The following RIPK4 variants were observed in gnomAD, a reference collection of about 807,000 sequenced individuals.
The protein encoded by RIPK4 is receptor-interacting serine/threonine-protein kinase 4.
RIPK4 carries 17 observed loss-of-function variants against 42.9 expected under a neutral mutation model. That is an observed-to-expected ratio of 0.40 (90% CI 0.27 to 0.59). RIPK4 has a LOEUF of 0.59. Among genes scored for constraint, RIPK4 ranks in the 20% least tolerant of loss-of-function variants. The probability of loss-of-function intolerance (pLI) is 0.47; values close to 1 mark genes in which losing one functional copy is unlikely to be tolerated. For synonymous variants in RIPK4, 498 were observed against 499.1 expected (o/e 1.00, Z 0.03); for missense variants, 897 against 1,104.4 (o/e 0.81, Z 2.66).
intron 1 of RIPK4, among the ~76,000 whole-genome samples, chr21:41,763,837 G>A (rs1259609318): frequency 2.0e-5 from 3 of 152,184 alleles, no homozygotes; most frequent in Admixed American, 6.5e-5. Flanking sequence ...CCGGCGCCCC[G>A]CAGGCACTGG....
At chr21:41,746,902 C>T (rs1297744473) in intron 4 of RIPK4, 131 bp from the exon 5 acceptor site, 2 of 1,019,166 alleles carry the variant, frequency 2.0e-6, no homozygotes, top group Admixed American at 5.2e-5. Context: ...GAGACGGCTC[C>T]CCCACTCCGT....
chr21:41,755,761 G>A lies in RIPK4; in HGVS notation c.474+764C>T, dbSNP rs558981612. Among the ~76,000 whole-genome samples, 1 of 152,252 alleles carries A rather than the reference G, an allele frequency of 6.6e-6. No individual in the cohort carries two copies. Among genetic ancestry groups the A allele is most frequent in the Non-Finnish European group, 1.5e-5 (1 of 68,030 alleles). On this transcript the variant is annotated intron_variant, in intron 2 of 7. Transcript: ENST00000332512. The surrounding 1 kb of genome is among the most constrained non-coding windows in gnomAD (Gnocchi z 4.2). ...ACCACGTGGGGAAAAACTACAACGC[G>A]CCAGGTGTAACCACCACATGTCAAC...
chr21:41,757,209 G>A (rs997187244), intron 1 of RIPK4, among the ~76,000 whole-genome samples: 1 of 152,130 alleles, frequency 6.6e-6, no homozygotes, highest in Non-Finnish European at 1.5e-5. Context: ...AGAAGTTGAC[G>A]TTCCACTCAA....
chr21:41,756,416 C>G, intron 2 of RIPK4, 109 bp downstream of exon 2: 1 of 1,339,862 alleles, frequency 7.5e-7, no homozygotes, highest in Non-Finnish European at 1.0e-6. Flanking sequence ...GAAGAACCAC[C>G]TCCTCTTCTG....
intron 1 of RIPK4, among the ~76,000 whole-genome samples, chr21:41,765,168 G>A (rs1400687357): frequency 6.6e-6 from 1 of 152,212 alleles, no homozygotes; most frequent in Non-Finnish European, 1.5e-5. Context: ...ATATAAGAAA[G>A]TGGTGTGAAA....
At chr21:41,766,610 G>A (rs2061237577) in intron 1 of RIPK4, among the ~76,000 whole-genome samples, 1 of 150,994 alleles carries the variant, frequency 6.6e-6, no homozygotes. Context: ...GAGCCCCAGA[G>A]GAGCCGCCTG....
chr21:41,741,341 G>A lies in RIPK4; in HGVS notation c.1852C>T (p.Arg618Cys), dbSNP rs751254695. The A allele has an allele frequency of 1.1e-5, 18 of 1,610,284 alleles. No individual in the cohort carries two copies. Among genetic ancestry groups the A allele is most frequent in the East Asian group, 6.7e-5 (3 of 44,860 alleles). ...LHLAAQRGHY[R>C]VARILIDLCS... ...AGGTCGATGAGGATGCGGGCCACGC[G>A]GTAGTGCCCGCGCTGTGCGGCCAGG... is the stretch of plus-strand genomic sequence containing the variant. The change falls in exon 8 of 8, where the codon CGC becomes TGC. Residue 618 changes from arginine (R) to cysteine (C), a missense_variant. Transcript: ENST00000332512.
In RIPK4 at chr21:41,754,555, C is replaced by T. The variant is rs527254294; in HGVS notation, c.474+1970G>A. On this transcript the variant is annotated intron_variant, in intron 2 of 7. Transcript: ENST00000332512. ...AGTTCCAGGCAGCATCCGCCCCCTG[C>T]AGCTGTCCTGAAAGACAGGGAAGCC... Among the ~76,000 whole-genome samples the T allele has an allele frequency of 1.5e-4, 23 of 152,310 alleles. No individual in the cohort carries two copies. In the South Asian group the frequency reaches 3.7e-3, roughly 25 times the overall value.
rs59776309 is a variant in RIPK4, at chr21:41,747,276, C to T, written c.674-505G>A. Among the ~76,000 whole-genome samples, 829 of 152,276 alleles carry T rather than the reference C, an allele frequency of 5.4e-3. 5 individuals carry two copies. Among genetic ancestry groups the T allele is most frequent in the African/African-American group, 0.019 (784 of 41,542 alleles). On this transcript the variant is annotated intron_variant, in intron 4 of 7. Transcript: ENST00000332512. Reference sequence around the variant, plus strand: ...CAGGTCCCCAGCTGGCCTCCCCTGCCGGTGCACCAGGGCTGGGATGTGTGG... The same window carrying T: ...CAGGTCCCCAGCTGGCCTCCCCTGCTGGTGCACCAGGGCTGGGATGTGTGG...
chr21:41,746,647 C>G lies in RIPK4; in HGVS notation c.798G>C (p.Trp266Cys), dbSNP rs758807765. The change falls in exon 5 of 8, where the codon TGG becomes TGC. Residue 266 changes from tryptophan to cysteine, a missense_variant. Trp to Cys is a radical substitution (Grantham distance 215). Transcript: ENST00000332512. ...TGGGCCTAACTCGCGGATCCCCCTG[C>G]CAGCACCGCTGCATGAGGCGTATCA... ...SHLIRLMQRC[W>C]QGDPRVRPTF... is the part of the protein sequence containing the mutation. 6.2e-7 allele frequency: 1 copy of G among 1,610,872 alleles called. No homozygotes were observed. Among genetic ancestry groups the G allele is most frequent in the Non-Finnish European group, 8.5e-7 (1 of 1,179,800 alleles).
intron 1 of RIPK4, among the ~76,000 whole-genome samples, chr21:41,758,041 T>TATAGAGAGAGAG (rs1452050960): frequency 4.1e-4 from 24 of 58,488 alleles, no homozygotes; most frequent in African/African-American, 2.3e-3. Flanking sequence ...TATATATATA[T>TATAGAGAGAGAG]AGAGAGAGAG....
chr21:41,750,826 C>T (rs957559233), intron 3 of RIPK4, among the ~76,000 whole-genome samples: 4 of 152,162 alleles, frequency 2.6e-5, no homozygotes, highest in African/African-American at 7.2e-5. Context: ...TACAGGTGCA[C>T]GCCACCAAGC....
chr21:41,750,392 G>A (rs1468191957), intron 3 of RIPK4, among the ~76,000 whole-genome samples: 1 of 152,236 alleles, frequency 6.6e-6, no homozygotes, highest in Admixed American at 6.5e-5. Context: ...GACCAACAAA[G>A]GTTAAGTGCC....
At chr21:41,756,038 C>A (rs554684102) in intron 2 of RIPK4, among the ~76,000 whole-genome samples, 2 of 152,334 alleles carry the variant, frequency 1.3e-5, no homozygotes, top group South Asian at 4.1e-4. Flanking sequence ...AGGCAACGAG[C>A]CCCTCCTCAC....
Position 41,746,684 on chromosome 21 carries a change from G to A in RIPK4, c.761C>T (p.Ala254Val). 1 of 1,611,080 alleles carries A rather than the reference G, an allele frequency of 6.2e-7. No homozygotes were observed. The highest frequency in any genetic ancestry group is 8.5e-7 in the Non-Finnish European group (1 of 1,179,794). Residue 254 changes from alanine to valine, a missense_variant, in exon 5 of 8, where the codon GCC becomes GTC. Physicochemically the swap from Ala to Val is moderately conservative, Grantham distance 64. Transcript: ENST00000332512. Reference protein sequence around the residue: ...LPPVCRARPRACSHLIRLMQR... With the variant: ...LPPVCRARPRVCSHLIRLMQR... ...CATGAGGCGTATCAGGTGGCTGCAG[G>A]CGCGCGGCCGGGCTCTGCACACGGG...
rs565947617 is a variant in RIPK4, at chr21:41,751,042, T to C, written c.623+55A>G. The C allele has an allele frequency of 1.3e-6, 2 of 1,579,280 alleles. No individual in the cohort carries two copies. The highest frequency in any genetic ancestry group is 2.3e-5 in the East Asian group (1 of 44,184). Reference sequence around the variant, plus strand: ...AAGCTGCAGCTCAGGGCATGAAGCATTGAGGTTGAGAGCCCCTGGCACCCA... The same window carrying C: ...AAGCTGCAGCTCAGGGCATGAAGCACTGAGGTTGAGAGCCCCTGGCACCCA... On this transcript the variant is annotated intron_variant, in intron 3 of 7. Coordinates refer to ENST00000332512, the MANE Select transcript of RIPK4 (RefSeq NM_020639.3). The surrounding 1 kb of genome is among the most constrained non-coding windows in gnomAD (Gnocchi z 4.5).
At chr21:41,765,774 G>A (rs1235922237) in intron 1 of RIPK4, among the ~76,000 whole-genome samples, 1 of 152,254 alleles carries the variant, frequency 6.6e-6, no homozygotes. Context: ...TACAAGCATA[G>A]CTTCCATGTA....
In RIPK4 at chr21:41,742,844, C is replaced by T. The variant is rs150353620; in HGVS notation, c.1196-847G>A. ...TAGACCCAAAGAGAATGTTCTAGAA[C>T]GTACTTATCCATGGGAGATGGTGGT... On this transcript the variant is annotated intron_variant, in intron 7 of 7. Transcript: ENST00000332512. The surrounding 1 kb of genome is among the most constrained non-coding windows in gnomAD (Gnocchi z 5.1). 2.0e-4 allele frequency among the ~76,000 whole-genome samples: 30 copies of T among 152,236 alleles called. No individual in the cohort carries two copies. Among genetic ancestry groups the T allele is most frequent in the African/African-American group, 4.1e-4 (17 of 41,540 alleles).
rs1285624528 is a variant in RIPK4 at position 41,739,483 on chromosome 21, A to T, written c.*1355T>A. ...CAATGAGGCATATTAAAACATAGCC[A>T]GTTTCAACAGCTTGGATATTTCCTG... is the stretch of plus-strand genomic sequence containing the variant. On this transcript the variant is annotated 3_prime_UTR_variant, in exon 8 of 8. Coordinates refer to ENST00000332512, the MANE Select transcript of RIPK4 (RefSeq NM_020639.3). The T allele has an allele frequency of 6.6e-6, 1 of 152,252 alleles. No homozygotes were observed. Among genetic ancestry groups the T allele is most frequent in the African/African-American group, 2.4e-5 (1 of 41,466 alleles). 9.4% of individuals were successfully genotyped at this position (152,252 alleles called of 1,614,324 possible). A position where few individuals can be genotyped will look rare whatever the true frequency, so the allele number is the denominator to read the frequency against.
Sources: gnomAD v4.1 joint callset for allele counts (sites outside exome capture counted in the v4.1 genomes callset) on GRCh38, gnomAD v4.1.1 for gene constraint, Gnocchi (gnomAD v3.1) non-coding constraint, MANE v1.5 for transcripts, NCBI Gene and HGNC (gene_info 2026-07-23, HGNC 2026-07-21) for gene names.